Variants in TRAPPC12 observed in about 807,000 individuals in gnomAD.
The protein encoded by TRAPPC12 is trafficking protein particle complex subunit 12.
TRAPPC12 carries 61 observed loss-of-function variants against 69.2 expected under a neutral mutation model. That is an observed-to-expected ratio of 0.88 (90% confidence interval 0.72 to 1.09). The LOEUF (loss-of-function observed/expected upper bound fraction) is 1.09. Ranked by LOEUF, TRAPPC12 falls within the 50% of genes least tolerant of loss-of-function variation. The pLI, the probability that TRAPPC12 is intolerant of heterozygous loss-of-function variation, is 0.00. For missense variants in TRAPPC12, 1,101 were observed against 1,016.4 expected (o/e 1.08, Z -1.13); for synonymous variants, 469 against 438.9 (o/e 1.07, Z -0.86).
chr2:3,391,477 A>G (rs976259587), intron 2 of TRAPPC12, among the ~76,000 whole-genome samples: 1 of 152,228 alleles, frequency 6.6e-6, no homozygotes, highest in African/African-American at 2.4e-5. Flanking sequence ...AGATAACTGA[A>G]GTGTAAGCCT....
At chr2:3,464,593 T>C (rs1249813105) in intron 8 of TRAPPC12, among the ~76,000 whole-genome samples, 1 of 152,248 alleles carries the variant, frequency 6.6e-6, no homozygotes, top group Admixed American at 6.5e-5. Flanking sequence ...TATAGCTAAG[T>C]GCGAGAATGC....
At chr2:3,471,987 C>T (rs1238258899) in intron 9 of TRAPPC12, among the ~76,000 whole-genome samples, 1 of 152,128 alleles carries the variant, frequency 6.6e-6, no homozygotes, top group Admixed American at 6.5e-5. Context: ...GCCTCGGTGT[C>T]CTGGACCAAA....
rs796345866 is a variant in TRAPPC12, at chr2:3,414,562, G to A, written c.1165-7319G>A. ...CTGACCCCATCCCCCAGCTGTCCCC[G>A]CTGTGCAGTGCCTTGAACGTGCTCT... On this transcript the variant is annotated intron_variant, in intron 3 of 11. Transcript: ENST00000324266. The surrounding 1 kb of genome is among the most constrained non-coding windows in gnomAD (Gnocchi z 4.9). Among the ~76,000 whole-genome samples the A allele has an allele frequency of 1.5e-4, 13 of 85,892 alleles. No individual in the cohort carries two copies. The highest frequency in any genetic ancestry group is 4.6e-4 in the African/African-American group (10 of 21,672). The allele number at this position is 85,892 out of a possible 152,430, so 56.3% of individuals were successfully genotyped here. A position where few individuals can be genotyped will look rare whatever the true frequency, so the allele number is the denominator to read the frequency against.
chr2:3,466,333 C>T (rs1335202890), intron 9 of TRAPPC12: 8 of 471,100 alleles, frequency 1.7e-5, no homozygotes, highest in Non-Finnish European at 3.5e-5. Flanking sequence ...AAAGGAGGCA[C>T]GAGCAAGGGA....
Position 3,414,509 on chromosome 2 carries a change from C to T in TRAPPC12, c.1165-7372C>T, listed in dbSNP as rs898018015. 5.3e-5 allele frequency among the ~76,000 whole-genome samples: 8 copies of T among 152,110 alleles called. No homozygotes were observed. Among genetic ancestry groups the T allele is most frequent in the Non-Finnish European group, 8.8e-5 (6 of 68,026 alleles). ...TGGGGTCCAGCCTCTAGCTCCAGCT[C>T]CAGCTCAGCCTCACCCCCACCATCC... On this transcript the variant is annotated intron_variant, in intron 3 of 11. Transcript: ENST00000324266. This position sits in a 1 kb window ranked among gnomAD's most constrained non-coding sequence, Gnocchi z 4.9.
intron 6 of TRAPPC12, among the ~76,000 whole-genome samples, 165 bp downstream of exon 6, chr2:3,444,056 T>G (rs4482520): frequency 0.64 from 97,348 of 152,118 alleles, 31,578 homozygotes; most frequent in African/African-American, 0.75. Flanking sequence ...GGTAGTCGTG[T>G]CTCTTGCTGA....
chr2:3,473,748 G>C (rs1472890958), intron 9 of TRAPPC12, among the ~76,000 whole-genome samples: 1 of 152,254 alleles, frequency 6.6e-6, no homozygotes, highest in Non-Finnish European at 1.5e-5. Context: ...TGGGATTACA[G>C]GCATGAGCCA....
At position 3,380,966 on chromosome 2, in the gene TRAPPC12, T is replaced by C. The variant is rs527507447; in HGVS notation, c.-5+1090T>C. On this transcript the variant is annotated intron_variant, in intron 1 of 11. Coordinates refer to ENST00000324266, the MANE Select transcript of TRAPPC12 (RefSeq NM_016030.6). The stretch of plus-strand genomic sequence containing the variant: ...CAACACAGTTATTGAGACACTGCCT[T>C]CAGAGCTCTTTCTGCCCACCCCTGC... Among the ~76,000 whole-genome samples, 6 of 152,300 alleles carry C rather than the reference T, an allele frequency of 3.9e-5. No homozygotes were observed. The East Asian group carries it at 1.2e-3, about 29-fold the overall frequency.
intron 8 of TRAPPC12, chr2:3,460,671 G>A (rs1394085602): frequency 1.5e-5 from 4 of 266,974 alleles, no homozygotes; most frequent in Admixed American, 4.9e-5. Flanking sequence ...CCCTATCTTC[G>A]TGGAGGGTGT....
chr2:3,399,065 G>A (rs1216956950), intron 2 of TRAPPC12, among the ~76,000 whole-genome samples: 1 of 152,256 alleles, frequency 6.6e-6, no homozygotes, highest in African/African-American at 2.4e-5. Flanking sequence ...CACACAGCAA[G>A]GGCGAGGTTT....
Position 3,424,618 on chromosome 2 carries a change from G to C in TRAPPC12, c.1372G>C (p.Asp458His). 1 of 1,614,070 alleles carries C rather than the reference G, an allele frequency of 6.2e-7. No homozygotes were observed. Among genetic ancestry groups the C allele is most frequent in the Non-Finnish European group, 8.5e-7 (1 of 1,179,990 alleles). Residue 458 changes from aspartate (D) to histidine (H), a missense_variant, in exon 5 of 12, where the codon GAT becomes CAT. Asp to His is a moderately conservative substitution (Grantham distance 81). Coordinates refer to ENST00000324266, the MANE Select transcript of TRAPPC12 (RefSeq NM_016030.6). The stretch of plus-strand genomic sequence containing the variant: ...ACCCTTCGGAAATCTTGATCAGCCA[G>C]ATCTTTATTACGAGTACTACCCGCA... ...FEPFGNLDQPDLYYEYYPHVY... is the reference protein window; with the variant it reads ...FEPFGNLDQPHLYYEYYPHVY...
chr2:3,431,581 ATT>A (rs1288099837), intron 5 of TRAPPC12, among the ~76,000 whole-genome samples: 12 of 151,402 alleles, frequency 7.9e-5, no homozygotes, highest in Admixed American at 7.9e-4. Flanking sequence ...TCTTTCTTTA[ATT>A]TTCTTTTAGA....
At chr2:3,400,815 T>A (rs1432868062) in intron 2 of TRAPPC12, among the ~76,000 whole-genome samples, 1 of 152,190 alleles carries the variant, frequency 6.6e-6, no homozygotes, top group African/African-American at 2.4e-5. Flanking sequence ...CTGTGCCGAC[T>A]CCCGAGGGTC....
At chr2:3,399,518 A>G (rs990985286) in intron 2 of TRAPPC12, among the ~76,000 whole-genome samples, 3 of 152,166 alleles carry the variant, frequency 2.0e-5, no homozygotes, top group African/African-American at 7.2e-5. Context: ...CTTTTCCTCA[A>G]TGTGAGAAAA....
chr2:3,422,580 G>GA (rs372736012), intron 4 of TRAPPC12, among the ~76,000 whole-genome samples: 3 of 152,250 alleles, frequency 2.0e-5, no homozygotes, highest in African/African-American at 7.2e-5. Context: ...AATCCCCCGG[G>GA]ACTAAACAGA....
At position 3,388,263 on chromosome 2, in the gene TRAPPC12, G is replaced by A. The variant is rs1292378258; in HGVS notation, c.640G>A (p.Ala214Thr). The change falls in exon 2 of 12, where the codon GCC becomes ACC. Residue 214 changes from alanine (A) to threonine (T), a missense_variant. By Grantham distance (58) the Ala-to-Thr change is moderately conservative. Coordinates refer to ENST00000324266, the MANE Select transcript of TRAPPC12 (RefSeq NM_016030.6). Reference sequence around the variant, plus strand: ...CCTCAGCACGTTCTTCGGAGACACGGCCGCCAGCCACTCCTTGGCCTCGGA... The same window carrying A: ...CCTCAGCACGTTCTTCGGAGACACGACCGCCAGCCACTCCTTGGCCTCGGA... ...PSLSTFFGDT[A>T]ASHSLASDFF... 8 of 1,608,168 alleles carry A rather than the reference G, an allele frequency of 5.0e-6. No homozygotes were observed. Among genetic ancestry groups the A allele is most frequent in the South Asian group, 3.3e-5 (3 of 90,580 alleles).
intron 2 of TRAPPC12, among the ~76,000 whole-genome samples, chr2:3,393,876 C>T (rs1199584427): frequency 1.3e-5 from 2 of 152,150 alleles, no homozygotes; most frequent in African/African-American, 4.8e-5. Flanking sequence ...TTGCCAATAA[C>T]CTGTGTAACC....
chr2:3,467,231 G>T (rs1403691996), intron 9 of TRAPPC12, among the ~76,000 whole-genome samples: 1 of 152,176 alleles, frequency 6.6e-6, no homozygotes, highest in Non-Finnish European at 1.5e-5. Flanking sequence ...ACACGGGGAG[G>T]TGATAGCGGC....
At chr2:3,468,680 C>T (rs1263127741) in intron 9 of TRAPPC12, among the ~76,000 whole-genome samples, 1 of 152,164 alleles carries the variant, frequency 6.6e-6, no homozygotes, top group Non-Finnish European at 1.5e-5. Context: ...ACTCCCACGG[C>T]GGGGCAGCCA....
Sources: allele counts gnomAD v4.1 joint callset (sites outside exome capture counted in the v4.1 genomes callset), GRCh38; gene constraint gnomAD v4.1.1; non-coding constraint Gnocchi (gnomAD v3.1); transcripts MANE v1.5; gene names NCBI Gene and HGNC (gene_info 2026-07-23, HGNC 2026-07-21).